UXS1: variants seen among roughly 807,000 people sequenced by gnomAD.
UXS1 encodes the protein UDP-glucuronic acid decarboxylase 1.
In UXS1, 33 loss-of-function variants were observed where a neutral mutation model predicts 62.6. The observed-to-expected ratio is 0.53, with a 90% CI of 0.40 to 0.70. The LOEUF is 0.70. Ranked by LOEUF, UXS1 falls within the 30% of genes least tolerant of loss-of-function variation. UXS1 has a pLI of 0.00. For missense variants in UXS1, 434 were observed against 556.3 expected (o/e 0.78, Z 2.21); for synonymous variants, 213 against 206.8 (o/e 1.03, Z -0.26).
chr2:106,161,269 T>G (rs1394301954), intron 4 of UXS1, among the ~76,000 whole-genome samples: 6 of 151,954 alleles, frequency 3.9e-5, no homozygotes, highest in African/African-American at 1.5e-4. Context: ...CACAGCTCAC[T>G]GCAGCCTTGT....
intron 1 of UXS1, chr2:106,179,655 A>G (rs1233353376): frequency 6.6e-6 from 1 of 152,256 alleles, no homozygotes; most frequent in Non-Finnish European, 1.5e-5. Flanking sequence ...TTATTCAAGA[A>G]GGCTGTAAGA....
chr2:106,174,266 G>C (rs1683738627), intron 1 of UXS1, among the ~76,000 whole-genome samples: 1 of 152,196 alleles, frequency 6.6e-6, no homozygotes, highest in Non-Finnish European at 1.5e-5. Flanking sequence ...AGAAAGCTGG[G>C]CTCCGGACAG....
At chr2:106,103,806 C>T (rs1404001574) in intron 11 of UXS1, among the ~76,000 whole-genome samples, 1 of 152,116 alleles carries the variant, frequency 6.6e-6, no homozygotes, top group Non-Finnish European at 1.5e-5. Context: ...ATACTTTCAG[C>T]AAAAATCTAC....
At chr2:106,126,657 T>A (rs556144971) in intron 7 of UXS1, among the ~76,000 whole-genome samples, 56 of 152,326 alleles carry the variant, frequency 3.7e-4, no homozygotes, top group African/African-American at 1.3e-3. Context: ...TTTTTCTTCC[T>A]GATTAAATTT....
intron 6 of UXS1, chr2:106,138,824 CT>C: frequency 2.0e-6 from 2 of 985,506 alleles, no homozygotes; most frequent in Non-Finnish European, 2.4e-6. Context: ...CACCACCCCC[CT>C]CTCCTTTGAG....
chr2:106,143,437 A>AAAAAAAAAAG (rs1558719544), intron 6 of UXS1, among the ~76,000 whole-genome samples: 4 of 122,822 alleles, frequency 3.3e-5, no homozygotes, highest in Non-Finnish European at 5.6e-5. Context: ...AAAAAAAAAA[A>AAAAAAAAAAG]AGGTATAATT....
At chr2:106,110,173 T>G (rs1464679225) in intron 10 of UXS1, among the ~76,000 whole-genome samples, 1 of 152,182 alleles carries the variant, frequency 6.6e-6, no homozygotes, top group Non-Finnish European at 1.5e-5. Flanking sequence ...AAGGCCTCCC[T>G]CGGGACTTCT....
At chr2:106,192,907 G>A (rs564310231) in intron 1 of UXS1, among the ~76,000 whole-genome samples, 3 of 152,294 alleles carry the variant, frequency 2.0e-5, no homozygotes, top group South Asian at 4.1e-4. Context: ...TAGTATTACT[G>A]CCATAATAAT....
At chr2:106,170,661 G>C (rs1451837722) in intron 1 of UXS1, among the ~76,000 whole-genome samples, 1 of 152,140 alleles carries the variant, frequency 6.6e-6, no homozygotes, top group East Asian at 1.9e-4. Flanking sequence ...CCAGACCAAA[G>C]AACAGACACA....
rs116744853 is a variant in UXS1, at chr2:106,171,246, T to A, written c.95-5163A>T. Among the ~76,000 whole-genome samples, 587 of 152,222 alleles carry A rather than the reference T, an allele frequency of 3.9e-3. 6 individuals carry two copies. The highest frequency in any genetic ancestry group is 0.014 in the African/African-American group (570 of 41,534). On this transcript the variant is annotated intron_variant, in intron 1 of 14. Coordinates refer to ENST00000283148, the MANE Select transcript of UXS1 (RefSeq NM_001253875.2). ...AATTGAGTTTTTTAAAGGATATGAT[T>A]AAAATGAGTGTCCTTTTCCAACAAA...
chr2:106,095,830 C>CCCTGAGG (rs1392008716), intron 14 of UXS1, among the ~76,000 whole-genome samples: 1 of 152,226 alleles, frequency 6.6e-6, no homozygotes, highest in African/African-American at 2.4e-5. Flanking sequence ...ACACAGGCAG[C>CCCTGAGG]CCTGAGGACG....
intron 9 of UXS1, among the ~76,000 whole-genome samples, chr2:106,116,688 T>C (rs763293465): frequency 6.6e-5 from 10 of 152,242 alleles, no homozygotes; most frequent in Non-Finnish European, 1.3e-4. Context: ...CTACTAGGTA[T>C]GGTTTGCAGT....
At chr2:106,139,884 T>C (rs1299256495) in intron 6 of UXS1, among the ~76,000 whole-genome samples, 1 of 152,170 alleles carries the variant, frequency 6.6e-6, no homozygotes, top group Non-Finnish European at 1.5e-5. Context: ...TAAATTCCCA[T>C]CATAAAAGAT....
intron 11 of UXS1, among the ~76,000 whole-genome samples, chr2:106,103,126 C>T (rs182549839): frequency 7.9e-4 from 120 of 152,328 alleles, no homozygotes; most frequent in Admixed American, 2.5e-3. Context: ...GCCATCAGAG[C>T]GGGCCAGGGT....
At chr2:106,110,346 T>C (rs1210365731) in intron 10 of UXS1, among the ~76,000 whole-genome samples, 1 of 152,152 alleles carries the variant, frequency 6.6e-6, no homozygotes, top group Non-Finnish European at 1.5e-5. Flanking sequence ...CAACAATGCA[T>C]GCATTCTTGG....
chr2:106,120,621 C>T (rs1416014473), intron 9 of UXS1, among the ~76,000 whole-genome samples: 2 of 152,210 alleles, frequency 1.3e-5, no homozygotes, highest in African/African-American at 2.4e-5. Context: ...AAGTTCCACA[C>T]TCTCCTTCCT....
At chr2:106,123,234 C>T in intron 8 of UXS1, 143 bp from the exon 9 acceptor site, 1 of 1,123,988 alleles carries the variant, frequency 8.9e-7, no homozygotes, top group Non-Finnish European at 1.2e-6. Flanking sequence ...CCTCAGGTTT[C>T]CAGTCCATTC....
intron 8 of UXS1, 56 bp from the exon 9 acceptor site, chr2:106,123,147 A>C: frequency 6.2e-7 from 1 of 1,605,862 alleles, no homozygotes; most frequent in Non-Finnish European, 8.5e-7. Flanking sequence ...AGTTCATATC[A>C]ATAATGCATA....
At chr2:106,182,402 G>A (rs1277132477) in intron 1 of UXS1, among the ~76,000 whole-genome samples, 5 of 152,168 alleles carry the variant, frequency 3.3e-5, no homozygotes, top group African/African-American at 1.2e-4. Context: ...GAAATTATGA[G>A]GTCTGGGATT....
Sources: gnomAD v4.1 joint callset for allele counts (sites outside exome capture counted in the v4.1 genomes callset) on GRCh38, gnomAD v4.1.1 for gene constraint, MANE v1.5 for transcripts, NCBI Gene and HGNC (gene_info 2026-07-23, HGNC 2026-07-21) for gene names.